Variants in TPGS2 observed in about 807,000 individuals in gnomAD.
TPGS2 encodes polyglutamylase subunit 2.
TPGS2 carries 26 observed loss-of-function variants against 31.1 expected under a neutral mutation model. The observed-to-expected ratio is 0.84, with a 90% CI of 0.61 to 1.16. The LOEUF (loss-of-function observed/expected upper bound fraction) is 1.16. Ranked by LOEUF, TPGS2 falls within the 50% of genes most tolerant of loss-of-function variation. The pLI, the probability that TPGS2 is intolerant of heterozygous loss-of-function variation, is 0.00. For missense variants in TPGS2, 351 were observed against 363.8 expected (o/e 0.96, Z 0.29); for synonymous variants, 130 against 136.6 (o/e 0.95, Z 0.34).
At chr18:36,824,985 G>A (rs2046066288) in intron 1 of TPGS2, among the ~76,000 whole-genome samples, 1 of 152,058 alleles carries the variant, frequency 6.6e-6, no homozygotes, top group Non-Finnish European at 1.5e-5. Context: ...TATGGTTTTG[G>A]CTCTTACATT....
chr18:36,786,612 A>G (rs1004397007), intron 6 of TPGS2: 1 of 374,782 alleles, frequency 2.7e-6, no homozygotes, highest in Non-Finnish European at 4.7e-6. Context: ...TCTTATTGTC[A>G]CAAAGTTGTT....
rs747031217 is a variant in TPGS2 at position 36,828,686 on chromosome 18, G to A, written c.82C>T (p.Leu28=). 1.2e-6 allele frequency: 2 copies of A among 1,614,088 alleles called. No homozygotes were observed. The highest frequency in any genetic ancestry group is 1.7e-5 in the Admixed American group (1 of 60,020). The change falls in exon 1 of 7, where the codon CTA becomes TTA. Residue 28 remains leucine (L), a synonymous_variant. Transcript: ENST00000334295. ...GCACCGTGCCCCCTTTCCTCACCTA[G>A]GATGCGCGTGATGCCCAGGGTCAGC... ...EKLTLGITRI[L]ESSPGVTEVT... is the part of the protein sequence containing the mutation.
Position 36,795,304 on chromosome 18 carries a change from C to CAA in TPGS2, c.*1499_*1500dup, listed in dbSNP as rs1050284045. On this transcript the variant is annotated 3_prime_UTR_variant, in exon 7 of 7. Transcript: ENST00000334295. The stretch of plus-strand genomic sequence containing the variant: ...TGGGTCGATTAGCAGGTAGACAGTG[C>CAA]AAAGGAAGGAAGTCTGGCCAATCAC... The CAA allele has an allele frequency of 2.0e-6, 2 of 985,480 alleles. No individual in the cohort carries two copies. The highest frequency in any genetic ancestry group is 3.5e-5 in the African/African-American group (2 of 57,240). 61.0% of individuals were successfully genotyped at this position (985,480 alleles called of 1,614,324 possible). A position where few individuals can be genotyped will look rare whatever the true frequency, so the allele number is the denominator to read the frequency against.
intron 1 of TPGS2, among the ~76,000 whole-genome samples, chr18:36,822,028 CAT>C (rs1308643309): frequency 3.9e-5 from 6 of 152,176 alleles, no homozygotes; most frequent in African/African-American, 1.4e-4. Flanking sequence ...GGTCTTCTCG[CAT>C]AGTTTCACAG....
chr18:36,800,349 C>T (rs2044744936), intron 4 of TPGS2, 38 bp from the exon 5 acceptor site: 1 of 1,592,068 alleles, frequency 6.3e-7, no homozygotes, highest in Non-Finnish European at 8.6e-7. Flanking sequence ...TTCAAACAAA[C>T]TCAACTCAAA....
intron 2 of TPGS2, among the ~76,000 whole-genome samples, chr18:36,814,696 A>T (rs2045578490): frequency 6.6e-6 from 1 of 152,200 alleles, no homozygotes; most frequent in Admixed American, 6.5e-5. Context: ...TATCCTTACT[A>T]GTATAACATA....
At chr18:36,798,321 G>T in intron 6 of TPGS2, 128 bp downstream of exon 6, 1 of 1,516,174 alleles carries the variant, frequency 6.6e-7, no homozygotes, top group Non-Finnish European at 8.8e-7. Context: ...TATTGAAAAT[G>T]CAGGTTCCTG....
intron 1 of TPGS2, chr18:36,823,917 CTT>C: frequency 1.0e-6 from 1 of 957,260 alleles, no homozygotes; most frequent in Non-Finnish European, 1.2e-6. Context: ...TTTAGAATTC[CTT>C]TTTAAAAATA....
rs1348764850 is a variant in TPGS2, at chr18:36,818,945, G to A, written c.114C>T (p.Thr38=). The change falls in exon 2 of 7, where the codon ACC becomes ACT. Residue 38 remains threonine, a synonymous_variant. Coordinates refer to ENST00000334295, the MANE Select transcript of TPGS2 (RefSeq NM_015476.4). ...LESSPGVTEV[T]IIEKPPAERH... ...GTTCAGCAGGAGGCTTTTCTATGAT[G>A]GTCACCTCAGTCACACCTGGGGAAG... 2 of 1,613,564 alleles carry A rather than the reference G, an allele frequency of 1.2e-6. No individual in the cohort carries two copies. Among genetic ancestry groups the A allele is most frequent in the Admixed American group, 3.3e-5 (2 of 60,006 alleles).
chr18:36,784,522 A>G (rs1377477009), intron 6 of TPGS2, among the ~76,000 whole-genome samples: 1 of 152,266 alleles, frequency 6.6e-6, no homozygotes, highest in Non-Finnish European at 1.5e-5. Flanking sequence ...TGATATTAAA[A>G]TGCACCATTC....
intron 4 of TPGS2, 143 bp from the exon 5 acceptor site, chr18:36,800,454 C>A (rs11664088): frequency 0.13 from 94,294 of 703,062 alleles, 7,452 homozygotes; most frequent in Admixed American, 0.17. Flanking sequence ...CAAATAAATT[C>A]TGTATTTGAA....
intron 1 of TPGS2, among the ~76,000 whole-genome samples, chr18:36,826,797 C>A (rs1367233012): frequency 6.6e-6 from 1 of 152,052 alleles, no homozygotes; most frequent in Admixed American, 6.6e-5. Flanking sequence ...ATTTTTGTTC[C>A]TGATTTTAAG....
intron 4 of TPGS2, among the ~76,000 whole-genome samples, chr18:36,804,422 C>T (rs1373482119): frequency 1.3e-5 from 2 of 152,126 alleles, no homozygotes; most frequent in Non-Finnish European, 2.9e-5. Flanking sequence ...TAGAGAAGCC[C>T]ACCCCATACA....
At chr18:36,816,754 G>A (rs978955827) in intron 2 of TPGS2, among the ~76,000 whole-genome samples, 10 of 152,100 alleles carry the variant, frequency 6.6e-5, no homozygotes, top group Non-Finnish European at 1.2e-4. Context: ...GACTACAGGC[G>A]TGCACCATCA....
intron 2 of TPGS2, among the ~76,000 whole-genome samples, chr18:36,811,524 C>G (rs2045425593): frequency 1.3e-5 from 2 of 152,144 alleles, no homozygotes; most frequent in African/African-American, 4.8e-5. Context: ...TCTGACAGAG[C>G]TCATATGAGG....
chr18:36,821,799 G>A (rs1280078767), intron 1 of TPGS2, among the ~76,000 whole-genome samples: 3 of 152,198 alleles, frequency 2.0e-5, no homozygotes, highest in Non-Finnish European at 4.4e-5. Context: ...CTTGAAGGAT[G>A]ATGTGGCAGT....
intron 4 of TPGS2, among the ~76,000 whole-genome samples, chr18:36,801,374 TG>T (rs1464012327): frequency 6.6e-6 from 1 of 152,196 alleles, no homozygotes; most frequent in Non-Finnish European, 1.5e-5. Flanking sequence ...CTCTATCACC[TG>T]GGCTGGAGTG....
downstream of TPGS2, among the ~76,000 whole-genome samples, chr18:36,792,317 G>A (rs72883560): frequency 0.12 from 18,041 of 152,096 alleles, 1,324 homozygotes; most frequent in Admixed American, 0.17. Context: ...GTCTACCTAC[G>A]GCATGCCTGG....
At chr18:36,788,518 G>A (rs1326422756) in intron 6 of TPGS2, among the ~76,000 whole-genome samples, 1 of 152,170 alleles carries the variant, frequency 6.6e-6, no homozygotes, top group African/African-American at 2.4e-5. Flanking sequence ...CTTGTCTTTA[G>A]TGTGTTCCAT....
Sources: gnomAD v4.1 joint callset for allele counts (sites outside exome capture counted in the v4.1 genomes callset) on GRCh38, gnomAD v4.1.1 for gene constraint, MANE v1.5 for transcripts, NCBI Gene and HGNC (gene_info 2026-07-23, HGNC 2026-07-21) for gene names.